GGA2: variants seen among roughly 807,000 people sequenced by gnomAD.
GGA2 encodes the protein golgi associated, gamma adaptin ear containing, ARF binding protein 2, also known as ADP-ribosylation factor-binding protein GGA2.
GGA2 carries 48 observed loss-of-function variants against 79.5 expected under a neutral mutation model. That is an observed-to-expected ratio of 0.60 (90% confidence interval 0.48 to 0.77). The LOEUF is 0.77. Ranked by LOEUF, GGA2 falls within the 30% of genes least tolerant of loss-of-function variation. The probability of loss-of-function intolerance (pLI) is 0.00; values close to 1 mark genes in which losing one functional copy is unlikely to be tolerated. For synonymous variants in GGA2, 317 were observed against 302.0 expected (o/e 1.05, Z -0.51); for missense variants, 770 against 774.0 (o/e 0.99, Z 0.06).
In GGA2 at chr16:23,518,405, G is replaced by A. The variant is rs1246766966; in HGVS notation, c.61+1182C>T. On this transcript the variant is annotated intron_variant, in intron 2 of 5. Transcript: ENST00000569300. Reference sequence around the variant, plus strand: ...TGTATTTTTTTGTAAAGATGGGGGGGTTTCACCATGTTGCCCAGGCTGGTC... The same window carrying A: ...TGTATTTTTTTGTAAAGATGGGGGGATTTCACCATGTTGCCCAGGCTGGTC... Among the ~76,000 whole-genome samples the A allele has an allele frequency of 3.3e-5, 5 of 152,124 alleles. No individual in the cohort carries two copies. The South Asian group carries it at 8.3e-4, about 25-fold the overall frequency.
chr16:23,515,714 C>A (rs1965099211), intron 2 of GGA2, among the ~76,000 whole-genome samples: 1 of 151,732 alleles, frequency 6.6e-6, no homozygotes, highest in South Asian at 2.1e-4. Context: ...GGATTTCAGG[C>A]ATTCAGGTTT....
intron 1 of GGA2, among the ~76,000 whole-genome samples, chr16:23,510,014 G>GGCGCAGGGGAAA (rs552764877): frequency 2.1e-3 from 324 of 151,144 alleles, no homozygotes; most frequent in African/African-American, 7.5e-3. Context: ...CACAGTGCCT[G>GGCGCAGGGGAAA]GCGCAGGGGA....
intron 1 of GGA2, among the ~76,000 whole-genome samples, chr16:23,520,253 CA>C (rs3071381): frequency 0.03 from 3,412 of 114,380 alleles, 55 homozygotes; most frequent in African/African-American, 0.066. Context: ...AACTACGTCT[CA>C]AAAAAAAAAA....
chr16:23,517,664 T>A (rs902524933), intron 2 of GGA2, among the ~76,000 whole-genome samples: 15 of 152,158 alleles, frequency 9.9e-5, no homozygotes, highest in African/African-American at 3.4e-4. Context: ...GAAGCTTTAT[T>A]TTTCATCCCT....
At position 23,465,485 on chromosome 16, in the gene GGA2, T is replaced by G. The variant is rs1319165412; in HGVS notation, c.*2105A>C. 1.4e-6 allele frequency: 1 copy of G among 699,232 alleles called. No homozygotes were observed. Among genetic ancestry groups the G allele is most frequent in the Non-Finnish European group, 2.6e-6 (1 of 382,862 alleles). The allele number at this position is 699,232 out of a possible 1,614,324, so 43.3% of individuals were successfully genotyped here. ...GTCTGTCTCCTCAAAAGCAAGAATG[T>G]TCAGGTACACATGTGTGAGTTCACC... On this transcript the variant is annotated 3_prime_UTR_variant, in exon 17 of 17. Transcript: ENST00000309859.
At chr16:23,471,120 C>T (rs1264493930) in intron 14 of GGA2, among the ~76,000 whole-genome samples, 1 of 152,014 alleles carries the variant, frequency 6.6e-6, no homozygotes, top group Non-Finnish European at 1.5e-5. Context: ...GGATTACAGG[C>T]GTGAGCCACT....
At chr16:23,481,149 C>A (rs1021245141) in intron 9 of GGA2, among the ~76,000 whole-genome samples, 1 of 152,140 alleles carries the variant, frequency 6.6e-6, no homozygotes, top group Non-Finnish European at 1.5e-5. Flanking sequence ...GAGGCCGAGG[C>A]GGGTGGATCA....
In GGA2 at chr16:23,510,383, A is replaced by G; in HGVS notation, c.29T>C (p.Val10Ala). 7.1e-7 allele frequency: 1 copy of G among 1,411,200 alleles called. No homozygotes were observed. The highest frequency in any genetic ancestry group is 9.2e-7 in the Non-Finnish European group (1 of 1,081,238). The allele number at this position is 1,411,200 out of a possible 1,614,324, so 87.4% of individuals were successfully genotyped here. The change falls in exon 1 of 17, where the codon GTG (valine) becomes GCG (alanine). Residue 10 changes from valine to alanine, a missense_variant. By Grantham distance (64) the Val-to-Ala change is moderately conservative (BLOSUM62 0). Coordinates refer to ENST00000309859, the MANE Select transcript of GGA2 (RefSeq NM_015044.4). ...ACCCTGGGCCGACTCGGTTCCCGCCACAGCCGCCGCCACCGCGGTCGCCGC... is the reference window on the plus strand; with the variant it reads ...ACCCTGGGCCGACTCGGTTCCCGCCGCAGCCGCCGCCACCGCGGTCGCCGC... Reference protein sequence around the residue: MAATAVAAAVAGTESAQGPP... With the variant: MAATAVAAAAAGTESAQGPP...
intron 10 of GGA2, 67 bp downstream of exon 10, chr16:23,480,563 AATATGTTTAGGACCC>A: frequency 8.3e-7 from 1 of 1,204,098 alleles, no homozygotes; most frequent in Non-Finnish European, 1.2e-6. Context: ...CTTAACCCAG[AATATGTTTAGGACCC>A]ATTTCTTTTC....
intron 13 of GGA2, among the ~76,000 whole-genome samples, chr16:23,475,314 C>G (rs1964563798): frequency 6.6e-6 from 1 of 151,322 alleles, no homozygotes; most frequent in Admixed American, 6.6e-5. Context: ...CTCAGCCTCC[C>G]GAGTAGCTGG....
At position 23,479,869 on chromosome 16, in the gene GGA2, C is replaced by A. The variant is rs1457421553; in HGVS notation, c.1025G>T (p.Gly342Val). 6.2e-7 allele frequency: 1 copy of A among 1,614,044 alleles called. No individual in the cohort carries two copies. The highest frequency in any genetic ancestry group is 2.2e-5 in the East Asian group (1 of 44,878). Residue 342 changes from glycine (G) to valine (V), a missense_variant, in exon 11 of 17, where the codon GGC becomes GTC. Transcript: ENST00000309859. ...PVSRVFQNPA[G>V]CMKTCPLIDL... is the part of the protein sequence containing the mutation. ...AATCAGGGGGCAGGTCTTCATGCAG[C>A]CTGCTGGATTCTGAAAGACTAGAAA...
rs958400008 is a variant in GGA2, at chr16:23,463,979, A to C, written c.*3611T>G. 2 of 152,204 alleles carry C rather than the reference A, an allele frequency of 1.3e-5. No homozygotes were observed. The highest frequency in any genetic ancestry group is 1.3e-4 in the Admixed American group (2 of 15,264). 9.4% of individuals were successfully genotyped at this position (152,204 alleles called of 1,614,324 possible). A position where few individuals can be genotyped will look rare whatever the true frequency, so the allele number is the denominator to read the frequency against. ...AAAGCCCTGTCTCAAGAAAACAAACAAACCCACTTTTATACTCTTGACGCT... is the reference window on the plus strand; with the variant it reads ...AAAGCCCTGTCTCAAGAAAACAAACCAACCCACTTTTATACTCTTGACGCT... On this transcript the variant is annotated 3_prime_UTR_variant, in exon 17 of 17. Coordinates refer to ENST00000309859, the MANE Select transcript of GGA2 (RefSeq NM_015044.4).
chr16:23,473,936 A>G (rs1964545921), intron 14 of GGA2, among the ~76,000 whole-genome samples: 1 of 152,184 alleles, frequency 6.6e-6, no homozygotes, highest in African/African-American at 2.4e-5. Context: ...CCTGGCTTTC[A>G]GGGCTCTCTG....
intron 14 of GGA2, among the ~76,000 whole-genome samples, chr16:23,470,772 A>AAAAAACG (rs1964500380): frequency 6.6e-6 from 1 of 151,612 alleles, no homozygotes; most frequent in Admixed American, 6.6e-5. Context: ...AACAAAAAAC[A>AAAAAACG]AAAAGCCACA....
At chr16:23,483,074 G>A (rs1359185275) in intron 8 of GGA2, 70 bp from the exon 9 acceptor site, 3 of 967,724 alleles carry the variant, frequency 3.1e-6, no homozygotes, top group Non-Finnish European at 5.0e-6. Flanking sequence ...AGGGCCCCAG[G>A]AGCCTTCGAT....
intron 5 of GGA2, 100 bp downstream of exon 5, chr16:23,491,577 A>T: frequency 9.7e-7 from 1 of 1,030,610 alleles, no homozygotes; most frequent in South Asian, 1.5e-5. Context: ...GGTCCTACAT[A>T]AGAAGTACAG....
chr16:23,500,928 C>A (rs1964914697), intron 1 of GGA2: 2 of 279,384 alleles, frequency 7.2e-6, no homozygotes, highest in Non-Finnish European at 1.4e-5. Context: ...ATTATATATA[C>A]CATGGCATCT....
chr16:23,487,093 T>C (rs1435848308), intron 6 of GGA2, among the ~76,000 whole-genome samples: 2 of 150,676 alleles, frequency 1.3e-5, no homozygotes, highest in South Asian at 4.3e-4. Flanking sequence ...GCAATTCTCC[T>C]GCCCCAGCCT....
chr16:23,492,162 A>G (rs1964796782), intron 4 of GGA2, among the ~76,000 whole-genome samples: 1 of 152,210 alleles, frequency 6.6e-6, no homozygotes, highest in South Asian at 2.1e-4. Flanking sequence ...CTGAGTCACA[A>G]GAGTGTCTTG....
Sources: gnomAD v4.1 joint callset for allele counts (sites outside exome capture counted in the v4.1 genomes callset) on GRCh38, gnomAD v4.1.1 for gene constraint, MANE v1.5 for transcripts, NCBI Gene and HGNC (gene_info 2026-07-23, HGNC 2026-07-21) for gene names.